Variants in SLC30A9 observed in about 807,000 individuals in gnomAD.
The protein encoded by SLC30A9 is solute carrier family 30 member 9, also known as proton-coupled zinc antiporter SLC30A9, mitochondrial.
Under a neutral mutation model 87.5 loss-of-function variants are expected in SLC30A9, and 58 were observed. The ratio of observed to expected loss-of-function variants is 0.66; its 90% CI spans 0.54 to 0.82. SLC30A9 has a LOEUF of 0.82. Among genes scored for constraint, SLC30A9 ranks in the 40% least tolerant of loss-of-function variants. The probability of loss-of-function intolerance (pLI) is 0.00; values close to 1 mark genes in which losing one functional copy is unlikely to be tolerated. For missense variants in SLC30A9, 557 were observed against 679.1 expected, an observed-to-expected ratio of 0.82 and a Z score of 2.00; for synonymous variants, 234 against 233.0, an observed-to-expected ratio of 1.00 and a Z score of -0.04.
At chr4:42,043,372 A>G (rs1451979069) in intron 8 of SLC30A9, among the ~76,000 whole-genome samples, 5 of 152,194 alleles carry the variant, frequency 3.3e-5, no homozygotes, top group African/African-American at 1.2e-4. Context: ...AGAGAAGAAC[A>G]TAAATGACCT....
At chr4:42,075,038 TATATATATATATATATATATA>T (rs1246902134) in intron 15 of SLC30A9, among the ~76,000 whole-genome samples, 4 of 10,230 alleles carry the variant, frequency 3.9e-4, no homozygotes, top group South Asian at 2.1e-3. Flanking sequence ...TATATATATA[TATATATATATATATATATATA>T]TTTTTTTTTT....
intron 17 of SLC30A9, chr4:42,078,927 A>C (rs564175401): frequency 6.6e-6 from 1 of 152,202 alleles, no homozygotes; most frequent in Non-Finnish European, 1.5e-5. Flanking sequence ...TGTTGAAGGC[A>C]GTGCTTTTTC....
intron 3 of SLC30A9, 152 bp downstream of exon 3, chr4:42,018,322 T>G (rs1715805152): frequency 1.2e-6 from 1 of 826,214 alleles, no homozygotes; most frequent in Non-Finnish European, 1.9e-6. Flanking sequence ...AAGGATTTAT[T>G]CTCTTACATA....
At chr4:42,059,963 G>C (rs772018297) in intron 9 of SLC30A9, among the ~76,000 whole-genome samples, 39 of 151,750 alleles carry the variant, frequency 2.6e-4, no homozygotes, top group Non-Finnish European at 5.2e-4. Flanking sequence ...ATTTTTTTTA[G>C]GTTGCTTTCA....
At chr4:42,046,906 A>C (rs970213417) in intron 8 of SLC30A9, among the ~76,000 whole-genome samples, 1 of 152,188 alleles carries the variant, frequency 6.6e-6, no homozygotes, top group African/African-American at 2.4e-5. Context: ...ATGTAACAGA[A>C]CTGAGGCCTT....
intron 6 of SLC30A9, among the ~76,000 whole-genome samples, chr4:42,024,298 G>A (rs1355668874): frequency 1.3e-5 from 2 of 152,110 alleles, no homozygotes; most frequent in Non-Finnish European, 2.9e-5. Flanking sequence ...TTGAGCCCAG[G>A]AGTTTGAGAC....
intron 8 of SLC30A9, among the ~76,000 whole-genome samples, chr4:42,040,977 A>G (rs1450951781): frequency 6.6e-6 from 1 of 152,180 alleles, no homozygotes; most frequent in Non-Finnish European, 1.5e-5. Context: ...TTGGACTTAC[A>G]GTTCCCGTGG....
chr4:42,023,296 G>C lies in SLC30A9; in HGVS notation c.528-6G>C. ...TTCATTGTGGTGACCATGTGTGTATGCACAGATCTTTGGAAGTTTGGGGAA... is the reference window on the plus strand; with the variant it reads ...TTCATTGTGGTGACCATGTGTGTATCCACAGATCTTTGGAAGTTTGGGGAA... On this transcript the variant is annotated splice_region_variant and splice_polypyrimidine_tract_variant and intron_variant, in intron 5 of 17. Coordinates refer to ENST00000264451, the MANE Select transcript of SLC30A9 (RefSeq NM_006345.4). 1 of 1,606,098 alleles carries C rather than the reference G, an allele frequency of 6.2e-7. No individual in the cohort carries two copies.
chr4:41,990,836 G>A (rs1251920501), intron 1 of SLC30A9, 76 bp downstream of exon 1: 12 of 1,065,040 alleles, frequency 1.1e-5, no homozygotes, highest in Non-Finnish European at 1.7e-5. Flanking sequence ...GCCTCGCCTG[G>A]GGCAATTCGC....
intron 9 of SLC30A9, among the ~76,000 whole-genome samples, chr4:42,055,418 G>A (rs4241698): frequency 0.65 from 99,274 of 151,952 alleles, 36,911 homozygotes; most frequent in East Asian, 0.96. Flanking sequence ...ACAGAGTCTC[G>A]CTGTCTTGCC....
chr4:42,043,566 A>G (rs770250203), intron 8 of SLC30A9, among the ~76,000 whole-genome samples: 2 of 152,240 alleles, frequency 1.3e-5, no homozygotes, highest in African/African-American at 2.4e-5. Flanking sequence ...AGATGGGACT[A>G]TGTGAAAAGA....
At chr4:42,024,226 C>T (rs10032062) in intron 6 of SLC30A9, among the ~76,000 whole-genome samples, 98,400 of 152,114 alleles carry the variant, frequency 0.65, 36,018 homozygotes, top group East Asian at 0.96. Flanking sequence ...TGGCACATGT[C>T]TATAGTCCCA....
At chr4:42,042,222 C>G (rs1716951444) in intron 8 of SLC30A9, among the ~76,000 whole-genome samples, 1 of 152,152 alleles carries the variant, frequency 6.6e-6, no homozygotes, top group Non-Finnish European at 1.5e-5. Context: ...CTTTTAATCC[C>G]TTGGAAAGGG....
chr4:42,074,541 G>T (rs1233502211), intron 15 of SLC30A9, among the ~76,000 whole-genome samples: 1 of 152,146 alleles, frequency 6.6e-6, no homozygotes, highest in Non-Finnish European at 1.5e-5. Context: ...TGTCTGGGAG[G>T]CAAAAGGGTA....
intron 2 of SLC30A9, among the ~76,000 whole-genome samples, chr4:42,011,380 T>C (rs1200922227): frequency 2.0e-5 from 3 of 152,184 alleles, no homozygotes; most frequent in African/African-American, 7.2e-5. Context: ...ATGGGGATTA[T>C]AATTCAAGGT....
At chr4:42,022,083 C>A (rs62302129) in intron 4 of SLC30A9, among the ~76,000 whole-genome samples, 1 of 27,178 alleles carries the variant, frequency 3.7e-5, no homozygotes. Context: ...CTACAGGCGC[C>A]CGCCACCACG....
chr4:42,037,824 T>C (rs754991817), intron 7 of SLC30A9, among the ~76,000 whole-genome samples: 6 of 152,156 alleles, frequency 3.9e-5, no homozygotes, highest in Non-Finnish European at 7.3e-5. Flanking sequence ...AGTATTGCTG[T>C]GTTGCCCACG....
chr4:41,993,828 T>A (rs1215623700), intron 1 of SLC30A9, among the ~76,000 whole-genome samples: 2 of 152,226 alleles, frequency 1.3e-5, no homozygotes, highest in Non-Finnish European at 2.9e-5. Flanking sequence ...ACCTTTATTA[T>A]GGGCTGGTGA....
In SLC30A9 at chr4:41,998,620, C is replaced by T. The variant is rs546409061; in HGVS notation, c.110-2996C>T. ...CTAGGATTATAGGCGCCCACCGCCA[C>T]GTCTGGCTGATTTTTTTGTATTTTT... On this transcript the variant is annotated intron_variant, in intron 1 of 17. Coordinates refer to ENST00000264451, the MANE Select transcript of SLC30A9 (RefSeq NM_006345.4). Among the ~76,000 whole-genome samples the T allele has an allele frequency of 5.6e-4, 85 of 152,166 alleles. 1 individual carries two copies. The highest frequency in any genetic ancestry group is 2.2e-3 in the Admixed American group (33 of 15,282).
Sources: allele counts gnomAD v4.1 joint callset (sites outside exome capture counted in the v4.1 genomes callset), GRCh38; gene constraint gnomAD v4.1.1; transcripts MANE v1.5; gene names NCBI Gene and HGNC (gene_info 2026-07-23, HGNC 2026-07-21).